Variants in C10orf67 observed in about 807,000 individuals in gnomAD.
C10orf67 encodes uncharacterized protein C10orf67, mitochondrial.
A neutral mutation model predicts 35.6 loss-of-function variants in C10orf67; 60 were observed. The ratio of observed to expected loss-of-function variants is 1.68; its 90% CI spans 1.37 to 2.09. C10orf67 has a LOEUF of 2.09. C10orf67 is among the 30% of genes most tolerant of loss of function. The pLI is 0.00. For missense variants in C10orf67, 474 were observed against 330.2 expected (o/e 1.44, Z -3.38); for synonymous variants, 167 against 115.8 (o/e 1.44, Z -2.84).
At chr10:23,293,599 G>A (rs1843787310) in intron 5 of C10orf67, among the ~76,000 whole-genome samples, 1 of 152,180 alleles carries the variant, frequency 6.6e-6, no homozygotes, top group Non-Finnish European at 1.5e-5. Flanking sequence ...TTAACTGGAT[G>A]TAGCCGTTTA....
intron 2 of C10orf67, among the ~76,000 whole-genome samples, chr10:23,324,470 G>A (rs962803407): frequency 7.2e-5 from 11 of 152,154 alleles, no homozygotes; most frequent in East Asian, 3.9e-4. Flanking sequence ...TATGGTTTAC[G>A]GGAAACAATT....
chr10:23,256,943 T>G (rs982460100), intron 10 of C10orf67, among the ~76,000 whole-genome samples: 2 of 152,094 alleles, frequency 1.3e-5, no homozygotes, highest in Non-Finnish European at 2.9e-5. Flanking sequence ...AGGTATCAAA[T>G]CCCATTTATT....
At chr10:23,334,352 T>G (rs1204575483) in intron 1 of C10orf67, among the ~76,000 whole-genome samples, 3 of 152,240 alleles carry the variant, frequency 2.0e-5, no homozygotes, top group Non-Finnish European at 4.4e-5. Context: ...CTCTGTCAAT[T>G]TGATCAAACT....
intron 10 of C10orf67, among the ~76,000 whole-genome samples, chr10:23,257,107 T>C (rs1169198122): frequency 6.6e-6 from 1 of 152,196 alleles, no homozygotes; most frequent in African/African-American, 2.4e-5. Context: ...GAATGGTAAT[T>C]GTCTTGGACC....
At chr10:23,308,878 G>A (rs778276738) in intron 4 of C10orf67, among the ~76,000 whole-genome samples, 4 of 152,090 alleles carry the variant, frequency 2.6e-5, no homozygotes, top group Non-Finnish European at 5.9e-5. Flanking sequence ...GTCCTGTTGT[G>A]GCTATTTTTC....
At chr10:23,323,665 C>T (rs1049761956) in intron 2 of C10orf67, among the ~76,000 whole-genome samples, 1 of 151,338 alleles carries the variant, frequency 6.6e-6, no homozygotes, top group Non-Finnish European at 1.5e-5. Flanking sequence ...AATCCCAACA[C>T]TTTGGGACGC....
chr10:23,271,250 C>T (rs1250273106), intron 8 of C10orf67, among the ~76,000 whole-genome samples: 1 of 152,196 alleles, frequency 6.6e-6, no homozygotes, highest in Non-Finnish European at 1.5e-5. Context: ...GCACCCAATA[C>T]TGGAGCACCC....
intron 8 of C10orf67, among the ~76,000 whole-genome samples, chr10:23,269,875 T>G (rs1372757579): frequency 1.3e-5 from 2 of 151,740 alleles, no homozygotes; most frequent in African/African-American, 4.8e-5. Flanking sequence ...AGCTAAAAAA[T>G]ATGCAAAGCA....
chr10:23,249,623 T>C (rs1056238572), intron 12 of C10orf67, among the ~76,000 whole-genome samples: 4 of 152,206 alleles, frequency 2.6e-5, no homozygotes, highest in Admixed American at 2.6e-4. Flanking sequence ...TAGCCAGGTA[T>C]AGAATTTTAT....
At chr10:23,215,459 A>G (rs1341448187) in intron 15 of C10orf67, among the ~76,000 whole-genome samples, 2 of 151,960 alleles carry the variant, frequency 1.3e-5, no homozygotes, top group African/African-American at 4.8e-5. Context: ...ACACCTGGCT[A>G]ATTTTTGTAT....
At chr10:23,318,831 A>C in intron 4 of C10orf67, 1 of 752,464 alleles carries the variant, frequency 1.3e-6, no homozygotes, top group Non-Finnish European at 2.5e-6. Context: ...TGGCTCCATG[A>C]CATTACCAAG....
chr10:23,323,926 T>C (rs1588695799), intron 2 of C10orf67, among the ~76,000 whole-genome samples: 1 of 39,120 alleles, frequency 2.6e-5, no homozygotes, highest in Non-Finnish European at 4.0e-5. Context: ...TATATATATA[T>C]ATATATATAT....
chr10:23,291,207 T>C lies in C10orf67; in HGVS notation c.775A>G (p.Asn259Asp). ...EKENLEYKVE[N>D]ERLLQIISEL... ...GAAATGATCTGAAGCAGCCTCTCAT[T>C]TTCCACTTTGTACTCCAAATTTTCC... The change falls in exon 6 of 16, where the codon AAT (asparagine) becomes GAT (aspartate). Residue 259 changes from asparagine (N) to aspartate (D), a missense_variant. Coordinates refer to ENST00000636213, the MANE Select transcript of C10orf67 (RefSeq NM_001371909.1). 1.4e-6 allele frequency: 1 copy of C among 717,190 alleles called. No individual in the cohort carries two copies. The highest frequency in any genetic ancestry group is 2.0e-5 in the Admixed American group (1 of 50,004). 44.4% of individuals were successfully genotyped at this position (717,190 alleles called of 1,614,324 possible).
intron 2 of C10orf67, among the ~76,000 whole-genome samples, chr10:23,326,450 A>T (rs1345601605): frequency 6.6e-6 from 1 of 152,212 alleles, no homozygotes; most frequent in Non-Finnish European, 1.5e-5. Flanking sequence ...AAACATTTTA[A>T]ATAAAACAGA....
At chr10:23,255,228 C>A (rs750929664) in intron 10 of C10orf67, among the ~76,000 whole-genome samples, 30 of 152,190 alleles carry the variant, frequency 2.0e-4, no homozygotes, top group Admixed American at 6.5e-5. Context: ...AAACAGTAGT[C>A]ATGACGGGGG....
chr10:23,215,314 G>A lies in C10orf67; in HGVS notation c.1570+8284C>T, dbSNP rs183285465. Among the ~76,000 whole-genome samples the A allele has an allele frequency of 2.4e-3, 354 of 146,884 alleles. 5 individuals are homozygous for A. The South Asian group carries it at 0.055, about 23-fold the overall frequency. On this transcript the variant is annotated intron_variant, in intron 15 of 15. Transcript: ENST00000636213. ...AGAGATATCTTTTTTTTTTTTTTGA[G>A]ACAGAGCCTCACTCTTTTGCCCAGG...
intron 1 of C10orf67, among the ~76,000 whole-genome samples, chr10:23,340,102 T>C (rs1845822894): frequency 6.6e-6 from 1 of 152,208 alleles, no homozygotes; most frequent in African/African-American, 2.4e-5. Flanking sequence ...GGGTGGTTTA[T>C]GGAGTGTGAA....
chr10:23,208,631 G>T (rs1455088270), intron 15 of C10orf67, among the ~76,000 whole-genome samples: 1 of 152,114 alleles, frequency 6.6e-6, no homozygotes, highest in Non-Finnish European at 1.5e-5. Flanking sequence ...CCTTTGCTTA[G>T]GTTTTCATAA....
intron 2 of C10orf67, among the ~76,000 whole-genome samples, chr10:23,330,440 G>A (rs773975074): frequency 6.6e-6 from 1 of 151,910 alleles, no homozygotes; most frequent in Non-Finnish European, 1.5e-5. Context: ...TCCAGTCTAC[G>A]TGACAGAGTG....
Sources: gnomAD v4.1 joint callset for allele counts (sites outside exome capture counted in the v4.1 genomes callset) on GRCh38, gnomAD v4.1.1 for gene constraint, MANE v1.5 for transcripts, NCBI Gene and HGNC (gene_info 2026-07-23, HGNC 2026-07-21) for gene names.